Variants in C16orf74 observed in about 807,000 individuals in gnomAD.
C16orf74 encodes uncharacterized protein C16orf74.
Under a neutral mutation model 6.5 loss-of-function variants are expected in C16orf74, and 10 were observed. That is an observed-to-expected ratio of 1.54 (90% CI 0.95 to 2.61). The LOEUF is 2.61. Ranked by LOEUF, C16orf74 falls within the 30% of genes most tolerant of loss-of-function variation. The pLI is 0.00. For missense variants in C16orf74, 141 were observed against 105.9 expected (o/e 1.33, Z -1.45); for synonymous variants, 60 against 42.5 (o/e 1.41, Z -1.60).
chr16:85,710,316 C>G lies in C16orf74; in HGVS notation c.29-9G>C, dbSNP rs577189860. Reference sequence around the variant, plus strand: ...GACACACATTTGAAAGCCTGAGAAGCCAGGCGTGGAGCACACACGCACGTA... The same window carrying G: ...GACACACATTTGAAAGCCTGAGAAGGCAGGCGTGGAGCACACACGCACGTA... On this transcript the variant is annotated splice_polypyrimidine_tract_variant and intron_variant, in intron 2 of 3. Transcript: ENST00000284245. 1 of 1,499,208 alleles carries G rather than the reference C, an allele frequency of 6.7e-7. No individual in the cohort carries two copies. The highest frequency in any genetic ancestry group is 8.8e-7 in the Non-Finnish European group (1 of 1,136,334). 92.9% of individuals were successfully genotyped at this position (1,499,208 alleles called of 1,614,324 possible).
intron 2 of C16orf74, among the ~76,000 whole-genome samples, chr16:85,725,834 C>T (rs11648021): frequency 0.33 from 49,548 of 152,020 alleles, 9,694 homozygotes; most frequent in East Asian, 0.7. Context: ...AAACTCCTGA[C>T]CTCAAGCAAT....
chr16:85,749,408 C>G (rs944811767), intron 1 of C16orf74, among the ~76,000 whole-genome samples: 6 of 152,154 alleles, frequency 3.9e-5, no homozygotes, highest in African/African-American at 9.7e-5. Context: ...GTCTCAGCCT[C>G]CTAAGTAGCT....
intron 1 of C16orf74, among the ~76,000 whole-genome samples, chr16:85,741,858 C>T (rs1378129291): frequency 6.6e-6 from 1 of 152,178 alleles, no homozygotes; most frequent in Non-Finnish European, 1.5e-5. Flanking sequence ...AGAGTTGTCA[C>T]CATCATCTTC....
chr16:85,742,190 T>C (rs1463060663), intron 1 of C16orf74, among the ~76,000 whole-genome samples: 1 of 152,144 alleles, frequency 6.6e-6, no homozygotes. Flanking sequence ...CTGGCCAACA[T>C]GGCAAAACCC....
intron 1 of C16orf74, among the ~76,000 whole-genome samples, chr16:85,738,029 C>G (rs1234346660): frequency 1.4e-5 from 2 of 137,996 alleles, no homozygotes; most frequent in African/African-American, 5.5e-5. Flanking sequence ...CAAGACAATT[C>G]TTCTTCCAGT....
intron 2 of C16orf74, among the ~76,000 whole-genome samples, chr16:85,718,240 A>G (rs1208497482): frequency 6.6e-6 from 1 of 151,856 alleles, no homozygotes; most frequent in Non-Finnish European, 1.5e-5. Flanking sequence ...CACCTGGCTA[A>G]GTTTTAAACT....
At chr16:85,732,461 T>C (rs1249095265) in intron 2 of C16orf74, among the ~76,000 whole-genome samples, 1 of 149,210 alleles carries the variant, frequency 6.7e-6, no homozygotes, top group African/African-American at 2.5e-5. Context: ...AGGTCAGGAG[T>C]TCAAGACCAG....
At position 85,735,196 on chromosome 16, in the gene C16orf74, G is replaced by T. The variant is rs771577456; in HGVS notation, c.22C>A (p.Leu8Met). 5.0e-6 allele frequency: 8 copies of T among 1,605,598 alleles called. No homozygotes were observed. Among genetic ancestry groups the T allele is most frequent in the Non-Finnish European group, 6.8e-6 (8 of 1,175,810 alleles). Residue 8 changes from leucine to methionine, a missense_variant, in exon 2 of 4, where the codon CTG (leucine) becomes ATG (methionine). Physicochemically the swap from Leu to Met is conservative, Grantham distance 15. Transcript: ENST00000284245. ...GCAGAGCTTCAGGCCTTACCTTTCA[G>T]GCAGGACATCTTAAGCCCCATGTCG... MGLKMSCLKGFQMCVSSS... is the reference protein window; with the variant it reads MGLKMSCMKGFQMCVSSS...
At chr16:85,730,889 C>G (rs1348023937) in intron 2 of C16orf74, among the ~76,000 whole-genome samples, 2 of 143,750 alleles carry the variant, frequency 1.4e-5, no homozygotes, top group South Asian at 4.4e-4. Context: ...ACAACTGAAC[C>G]CCCCCAGATC....
rs553334299 is a variant in C16orf74 at position 85,735,272 on chromosome 16, G to A, written c.-18-37C>T. 1.3e-5 allele frequency: 20 copies of A among 1,507,924 alleles called. No homozygotes were observed. In the East Asian group the frequency reaches 2.8e-4, roughly 21 times the overall value. 93.4% of individuals were successfully genotyped at this position (1,507,924 alleles called of 1,614,324 possible). A position where few individuals can be genotyped will look rare whatever the true frequency, so the allele number is the denominator to read the frequency against. ...GGACAGCGCTGAGAGAGGGGAGGGC[G>A]CGACTTGTTTGTATTGGCCACGTGC... On this transcript the variant is annotated intron_variant, in intron 1 of 3. Coordinates refer to ENST00000284245, the MANE Select transcript of C16orf74 (RefSeq NM_206967.3).
intron 2 of C16orf74, among the ~76,000 whole-genome samples, chr16:85,715,251 C>G (rs1029724007): frequency 1.3e-5 from 2 of 151,944 alleles, no homozygotes; most frequent in African/African-American, 4.8e-5. Flanking sequence ...TGGAGAGAGG[C>G]GCCCCTACCC....
chr16:85,723,780 C>T (rs546251226), intron 2 of C16orf74, among the ~76,000 whole-genome samples: 7 of 152,314 alleles, frequency 4.6e-5, no homozygotes, highest in Admixed American at 4.6e-4. Flanking sequence ...GTGGGCAGTA[C>T]TGTGGGGCTG....
intron 1 of C16orf74, 47 bp from the exon 2 acceptor site, chr16:85,735,282 T>A (rs1433605894): frequency 7.0e-7 from 1 of 1,438,440 alleles, no homozygotes; most frequent in Non-Finnish European, 9.5e-7. Context: ...GCGACTTGTT[T>A]GTATTGGCCA....
At position 85,713,608 on chromosome 16, in the gene C16orf74, T is replaced by C. The variant is rs141285264; in HGVS notation, c.29-3301A>G. 2.0e-3 allele frequency among the ~76,000 whole-genome samples: 311 copies of C among 152,346 alleles called. 2 individuals carry two copies. The highest frequency in any genetic ancestry group is 6.7e-3 in the African/African-American group (278 of 41,580). On this transcript the variant is annotated intron_variant, in intron 2 of 3. Coordinates refer to ENST00000284245, the MANE Select transcript of C16orf74 (RefSeq NM_206967.3). ...CTTTTGATAAGGACACCCGTCATAT[T>C]GGACTAGGAGCTCACACTACTAAAA...
intron 2 of C16orf74, among the ~76,000 whole-genome samples, chr16:85,728,293 C>A (rs2054154221): frequency 6.6e-6 from 1 of 152,104 alleles, no homozygotes; most frequent in Non-Finnish European, 1.5e-5. Context: ...TGTGGGAACT[C>A]TCTGTACTAT....
At chr16:85,713,753 A>C (rs1050449239) in intron 2 of C16orf74, among the ~76,000 whole-genome samples, 5 of 98,746 alleles carry the variant, frequency 5.1e-5, no homozygotes, top group African/African-American at 2.1e-4. Context: ...TCAATCCTTA[A>C]AGCCCCTGGA....
At chr16:85,729,962 C>A (rs1035143945) in intron 2 of C16orf74, among the ~76,000 whole-genome samples, 17 of 152,178 alleles carry the variant, frequency 1.1e-4, no homozygotes, top group African/African-American at 4.1e-4. Flanking sequence ...GACAGTCACG[C>A]ACGGTAGAGA....
chr16:85,728,376 CA>C (rs2054155003), intron 2 of C16orf74, among the ~76,000 whole-genome samples: 1 of 152,108 alleles, frequency 6.6e-6, no homozygotes, highest in South Asian at 2.1e-4. Context: ...GACAAACTAC[CA>C]ACCCAGGACA....
chr16:85,721,780 T>C (rs1165054832), intron 2 of C16orf74, among the ~76,000 whole-genome samples: 2 of 152,162 alleles, frequency 1.3e-5, no homozygotes, highest in East Asian at 3.9e-4. Context: ...TGTCCCCATG[T>C]GGTCCCAGTG....
Sources: allele counts gnomAD v4.1 joint callset (sites outside exome capture counted in the v4.1 genomes callset), GRCh38; gene constraint gnomAD v4.1.1; transcripts MANE v1.5; gene names NCBI Gene and HGNC (gene_info 2026-07-23, HGNC 2026-07-21).